BRINP3: variants seen among roughly 807,000 people sequenced by gnomAD.
BRINP3 encodes BMP/retinoic acid inducible neural specific 3.
A neutral mutation model predicts 71.0 loss-of-function variants in BRINP3; 19 were observed. The observed-to-expected ratio is 0.27, with a 90% CI of 0.19 to 0.39. The LOEUF is 0.39. BRINP3 is among the 10% of genes least tolerant of loss of function. BRINP3 has a pLI of 1.00. For synonymous variants in BRINP3, 380 were observed against 337.7 expected, an observed-to-expected ratio of 1.13 and a Z score of -1.37; for missense variants, 959 against 940.8, an observed-to-expected ratio of 1.02 and a Z score of -0.25.
At chr1:190,318,823 T>A (rs1382752618) in intron 2 of BRINP3, among the ~76,000 whole-genome samples, 2 of 152,148 alleles carry the variant, frequency 1.3e-5, no homozygotes, top group East Asian at 3.8e-4. Context: ...AATTACTTTA[T>A]CTTCTTAAAT....
chr1:190,138,312 T>C (rs1655145111), intron 7 of BRINP3, among the ~76,000 whole-genome samples: 1 of 152,042 alleles, frequency 6.6e-6, no homozygotes, highest in African/African-American at 2.4e-5. Context: ...TATTTATTAG[T>C]GTTATGAGAA....
At chr1:190,383,719 A>G (rs576717069) in intron 2 of BRINP3, among the ~76,000 whole-genome samples, 1 of 152,202 alleles carries the variant, frequency 6.6e-6, no homozygotes, top group African/African-American at 2.4e-5. Flanking sequence ...GATAGTCAGA[A>G]TAACACTAAT....
intron 7 of BRINP3, among the ~76,000 whole-genome samples, chr1:190,129,342 A>G (rs1654345708): frequency 6.6e-6 from 1 of 151,920 alleles, no homozygotes; most frequent in East Asian, 1.9e-4. Context: ...GTGACATGGT[A>G]GTAATTTTAT....
chr1:190,369,215 T>C (rs1014040339), intron 2 of BRINP3, among the ~76,000 whole-genome samples: 2 of 152,160 alleles, frequency 1.3e-5, no homozygotes, highest in Non-Finnish European at 2.9e-5. Context: ...TTGTTGTTAT[T>C]ATAATCGGGA....
At chr1:190,353,006 C>G (rs1668496591) in intron 2 of BRINP3, among the ~76,000 whole-genome samples, 1 of 150,950 alleles carries the variant, frequency 6.6e-6, no homozygotes, top group African/African-American at 2.4e-5. Context: ...AGGAAAGATG[C>G]CTTATCTTTG....
At chr1:190,170,939 A>C (rs896662246) in intron 6 of BRINP3, among the ~76,000 whole-genome samples, 3 of 152,152 alleles carry the variant, frequency 2.0e-5, no homozygotes, top group Non-Finnish European at 2.9e-5. Context: ...GCTGCACTGA[A>C]ACAATAACCA....
chr1:190,201,824 G>A (rs1463021309), intron 6 of BRINP3, among the ~76,000 whole-genome samples: 1 of 152,196 alleles, frequency 6.6e-6, no homozygotes, highest in African/African-American at 2.4e-5. Context: ...TGGGGTTTGG[G>A]AACCTCTGCC....
chr1:190,187,055 T>C (rs529206879), intron 6 of BRINP3, among the ~76,000 whole-genome samples: 2 of 152,250 alleles, frequency 1.3e-5, no homozygotes, highest in Admixed American at 6.5e-5. Flanking sequence ...CCAACATTCT[T>C]AGGGCAAGGG....
intron 7 of BRINP3, among the ~76,000 whole-genome samples, chr1:190,148,946 A>G (rs1281351271): frequency 4.6e-5 from 7 of 152,198 alleles, no homozygotes; most frequent in Admixed American, 2.6e-4. Flanking sequence ...GAAAAACTCG[A>G]CGACCTCTAT....
chr1:190,395,956 G>C (rs914796832), intron 2 of BRINP3, among the ~76,000 whole-genome samples: 1 of 151,144 alleles, frequency 6.6e-6, no homozygotes, highest in African/African-American at 2.4e-5. Context: ...AATAATGAAA[G>C]AAAAGAGCAG....
At chr1:190,217,904 T>C (rs1315611663) in intron 6 of BRINP3, among the ~76,000 whole-genome samples, 2 of 152,198 alleles carry the variant, frequency 1.3e-5, no homozygotes, top group Admixed American at 6.6e-5. Flanking sequence ...CTCTGGTCAA[T>C]GAATGTTCCA....
At chr1:190,118,131 T>TAC (rs3078073) in intron 7 of BRINP3, among the ~76,000 whole-genome samples, 81,176 of 150,112 alleles carry the variant, frequency 0.54, 21,813 homozygotes, top group Admixed American at 0.57. Context: ...TCCCAAATCA[T>TAC]ACACACACAC....
chr1:190,143,710 A>T (rs1655648827), intron 7 of BRINP3, among the ~76,000 whole-genome samples: 2 of 152,140 alleles, frequency 1.3e-5, no homozygotes, highest in African/African-American at 4.8e-5. Flanking sequence ...CAACTCTTAC[A>T]CTGCTATGTT....
At chr1:190,421,985 C>G (rs752409860) in intron 2 of BRINP3, among the ~76,000 whole-genome samples, 1 of 151,796 alleles carries the variant, frequency 6.6e-6, no homozygotes, top group African/African-American at 2.4e-5. Flanking sequence ...CCATCTAGCA[C>G]CCATTTCTAA....
At chr1:190,130,415 T>G (rs952671949) in intron 7 of BRINP3, among the ~76,000 whole-genome samples, 1 of 152,020 alleles carries the variant, frequency 6.6e-6, no homozygotes, top group African/African-American at 2.4e-5. Context: ...TCTTTAAAAC[T>G]TTTTCGCTGA....
At chr1:190,412,294 A>G (rs953573611) in intron 2 of BRINP3, among the ~76,000 whole-genome samples, 4 of 151,352 alleles carry the variant, frequency 2.6e-5, no homozygotes, top group South Asian at 4.1e-4. Flanking sequence ...AATATAGATT[A>G]TTATTTCTAC....
chr1:190,187,401 T>C (rs1653627107), intron 6 of BRINP3, among the ~76,000 whole-genome samples: 1 of 152,112 alleles, frequency 6.6e-6, no homozygotes, highest in African/African-American at 2.4e-5. Context: ...CCTATTAGTA[T>C]ACTTTTGCTT....
At chr1:190,102,099 C>T (rs1010503092) in intron 7 of BRINP3, among the ~76,000 whole-genome samples, 9 of 152,060 alleles carry the variant, frequency 5.9e-5, no homozygotes, top group African/African-American at 2.2e-4. Flanking sequence ...CTAGCACCTA[C>T]CTTTTGACTA....
chr1:190,304,195 C>A lies in BRINP3; in HGVS notation c.237-22445G>T, dbSNP rs192225631. Among the ~76,000 whole-genome samples, 414 of 151,732 alleles carry A rather than the reference C, an allele frequency of 2.7e-3. 3 individuals are homozygous for A. Among genetic ancestry groups the A allele is most frequent in the African/African-American group, 9.4e-3 (391 of 41,464 alleles). ...CTAGGCTTAAATCATTAAAATGTTT[C>A]TTTTTTAGATTTTTGGCTTTCAATT... is the stretch of plus-strand genomic sequence containing the variant. On this transcript the variant is annotated intron_variant, in intron 2 of 7. Coordinates refer to ENST00000367462, the MANE Select transcript of BRINP3 (RefSeq NM_199051.3).
Sources: gnomAD v4.1 joint callset for allele counts (sites outside exome capture counted in the v4.1 genomes callset) on GRCh38, gnomAD v4.1.1 for gene constraint, MANE v1.5 for transcripts, NCBI Gene and HGNC (gene_info 2026-07-23, HGNC 2026-07-21) for gene names.